CHLSN: variants seen among roughly 807,000 people sequenced by gnomAD.
The protein encoded by CHLSN is protein cholesin.
chr7:988,391 C>T, the CHLSN span: 19 of 1,612,530 alleles, frequency 1.2e-5, 1 homozygote, highest in South Asian at 4.4e-5. Flanking sequence ...CTTTGTGAAG[C>T]GGGAGGCCTT....
the CHLSN span, among the ~76,000 whole-genome samples, chr7:1,105,032 C>G: frequency 6.6e-6 from 1 of 152,184 alleles, no homozygotes; most frequent in Non-Finnish European, 1.5e-5. Flanking sequence ...GAGGGACAGA[C>G]AGGAAGACTA....
chr7:1,088,655 G>A, the CHLSN span, among the ~76,000 whole-genome samples: 1 of 152,156 alleles, frequency 6.6e-6, no homozygotes, highest in Non-Finnish European at 1.5e-5. The surrounding 1 kb of genome is among the most constrained non-coding windows in gnomAD (Gnocchi z 4.5). Context: ...CCTGCCCTGC[G>A]GTGCCCCAGT....
chr7:1,108,928 G>A, the CHLSN span, among the ~76,000 whole-genome samples: 14 of 138,406 alleles, frequency 1.0e-4, no homozygotes, highest in Admixed American at 7.2e-4. Flanking sequence ...ACGGAGTCTC[G>A]CTCTGTCGCC....
At chr7:1,038,288 C>G in the CHLSN span, among the ~76,000 whole-genome samples, 2 of 97,180 alleles carry the variant, frequency 2.1e-5, 1 homozygote, top group Non-Finnish European at 4.6e-5. Flanking sequence ...CCAGCCATGC[C>G]GTCCGGGAGG....
At chr7:1,078,929 T>C in the CHLSN span, among the ~76,000 whole-genome samples, 1 of 67,506 alleles carries the variant, frequency 1.5e-5, no homozygotes, top group Non-Finnish European at 4.6e-5. Flanking sequence ...CCCCAGCGGG[T>C]CAGGGCTCCA....
the CHLSN span, among the ~76,000 whole-genome samples, chr7:1,098,270 C>A: frequency 6.6e-6 from 1 of 152,190 alleles, no homozygotes; most frequent in Non-Finnish European, 1.5e-5. Context: ...ACTCCACGCC[C>A]ATGGATCAAC....
At chr7:1,011,691 C>T in the CHLSN span, among the ~76,000 whole-genome samples, 5 of 149,654 alleles carry the variant, frequency 3.3e-5, no homozygotes, top group Non-Finnish European at 7.4e-5. Context: ...CAGATGCCCA[C>T]ACACCCAGAC....
chr7:1,136,535 T>TAAAC, the CHLSN span, among the ~76,000 whole-genome samples: 1 of 126,110 alleles, frequency 7.9e-6, no homozygotes, highest in Non-Finnish European at 1.6e-5. Context: ...TATAAACATA[T>TAAAC]ATATGAACAT....
chr7:1,050,971 G>T, the CHLSN span, among the ~76,000 whole-genome samples: 1 of 152,232 alleles, frequency 6.6e-6, no homozygotes, highest in Admixed American at 6.5e-5. Context: ...GTCAGAGAGG[G>T]GGATGGACAG....
the CHLSN span, chr7:1,028,172 C>A: frequency 2.3e-5 from 21 of 926,374 alleles, no homozygotes; most frequent in Non-Finnish European, 2.6e-5. Context: ...GGAGCGCCCA[C>A]CTGTCGCCGC....
the CHLSN span, among the ~76,000 whole-genome samples, chr7:1,072,348 C>T: frequency 0.059 from 8,976 of 152,340 alleles, 381 homozygotes; most frequent in African/African-American, 0.11. Context: ...ATGAATGCCC[C>T]TGCACACACG....
chr7:1,015,940 C>T, the CHLSN span, among the ~76,000 whole-genome samples: 12 of 152,184 alleles, frequency 7.9e-5, no homozygotes, highest in South Asian at 2.1e-4. Context: ...ATACTCCTGA[C>T]GCCCCTCAGT....
chr7:1,047,757 A>C, the CHLSN span, among the ~76,000 whole-genome samples: 1 of 152,248 alleles, frequency 6.6e-6, no homozygotes. Flanking sequence ...CTTTCCACTC[A>C]AATCTAAGGC....
At chr7:1,009,865 T>G in the CHLSN span, 12 of 1,173,230 alleles carry the variant, frequency 1.0e-5, no homozygotes, top group African/African-American at 1.7e-4. Context: ...TTCCACACAG[T>G]GTGTGCGAGT....
chr7:1,091,601 T>G, the CHLSN span: 1 of 779,888 alleles, frequency 1.3e-6, no homozygotes, highest in South Asian at 1.9e-5. Flanking sequence ...TCCTGGGGAG[T>G]TTCCTGTCTG....
At chr7:1,133,374 C>G in the CHLSN span, among the ~76,000 whole-genome samples, 1 of 122,480 alleles carries the variant, frequency 8.2e-6, no homozygotes, top group African/African-American at 3.1e-5. Context: ...GATGGTTTCA[C>G]AATCCCTCGA....
the CHLSN span, among the ~76,000 whole-genome samples, chr7:1,072,942 G>T: frequency 2.0e-5 from 3 of 152,152 alleles, no homozygotes; most frequent in Non-Finnish European, 4.4e-5. Context: ...GCCTGGCCTG[G>T]AGTCAATTTC....
At chr7:1,027,615 A>G in the CHLSN span, among the ~76,000 whole-genome samples, 2 of 152,262 alleles carry the variant, frequency 1.3e-5, no homozygotes, top group African/African-American at 2.4e-5. Context: ...TCCCGAGTGA[A>G]GCTATCCCAA....
At chr7:1,016,662 C>CACACGCCAGG in the CHLSN span, among the ~76,000 whole-genome samples, 2 of 58,534 alleles carry the variant, frequency 3.4e-5, no homozygotes, top group South Asian at 5.0e-4. Flanking sequence ...CACACAGCAG[C>CACACGCCAGG]GCACAGCAGC....
Sources: allele counts gnomAD v4.1 joint callset (sites outside exome capture counted in the v4.1 genomes callset), GRCh38; gene constraint gnomAD v4.1.1; non-coding constraint Gnocchi (gnomAD v3.1); transcripts MANE v1.5; gene names NCBI Gene and HGNC (gene_info 2026-07-23, HGNC 2026-07-21).